GLIS3: variants seen among roughly 807,000 people sequenced by gnomAD.
GLIS3 encodes the protein GLIS family zinc finger 3.
Under a neutral mutation model 78.6 loss-of-function variants are expected in GLIS3, and 53 were observed. The ratio of observed to expected loss-of-function variants is 0.67; its 90% confidence interval spans 0.54 to 0.85. GLIS3 has a LOEUF of 0.85. GLIS3 is among the 40% of genes least tolerant of loss of function. The pLI is 0.00. For synonymous variants in GLIS3, 684 were observed against 509.9 expected (o/e 1.34, Z -4.60); for missense variants, 1,703 against 1,231.1 (o/e 1.38, Z -5.74).
the GLIS3 span, among the ~76,000 whole-genome samples, chr9:4,409,474 C>G: frequency 6.6e-6 from 1 of 152,138 alleles, no homozygotes; most frequent in Non-Finnish European, 1.5e-5. Context: ...ATACTTATGG[C>G]TCAATTTGCC....
chr9:3,914,439 T>A (rs1824365962), intron 6 of GLIS3, among the ~76,000 whole-genome samples: 1 of 152,038 alleles, frequency 6.6e-6, no homozygotes, highest in South Asian at 2.1e-4. Context: ...ATTGCTGGGA[T>A]TATAGGCATG....
chr9:4,260,423 T>C (rs899313782), intron 2 of GLIS3, among the ~76,000 whole-genome samples: 17 of 151,876 alleles, frequency 1.1e-4, no homozygotes, highest in African/African-American at 4.1e-4. Context: ...AAGAATTAGC[T>C]TGGCGTGGTG....
At chr9:4,475,356 T>C in the GLIS3 span, among the ~76,000 whole-genome samples, 2 of 152,336 alleles carry the variant, frequency 1.3e-5, no homozygotes, top group Admixed American at 6.5e-5. Flanking sequence ...GAAAAGGTGC[T>C]CAATCAGGGT....
At chr9:4,360,667 T>C in the GLIS3 span, among the ~76,000 whole-genome samples, 1 of 152,170 alleles carries the variant, frequency 6.6e-6, no homozygotes, top group African/African-American at 2.4e-5. Flanking sequence ...ATTAATAAGT[T>C]TCAGGGTTAA....
At chr9:3,995,802 A>T (rs1471785322) in intron 4 of GLIS3, among the ~76,000 whole-genome samples, 1 of 152,148 alleles carries the variant, frequency 6.6e-6, no homozygotes. Flanking sequence ...GACAGTTTAA[A>T]AGGCACAGAA....
chr9:4,302,275 G>A (rs1252329845), upstream of GLIS3, among the ~76,000 whole-genome samples: 1 of 152,152 alleles, frequency 6.6e-6, no homozygotes, highest in Non-Finnish European at 1.5e-5. Flanking sequence ...CAGATAGGTG[G>A]GAACTGCAGC....
At chr9:4,087,072 A>C (rs773647637) in intron 4 of GLIS3, among the ~76,000 whole-genome samples, 39 of 152,242 alleles carry the variant, frequency 2.6e-4, no homozygotes, top group Non-Finnish European at 1.5e-5. Flanking sequence ...AAAACATGGC[A>C]AAGTCTGAAA....
At chr9:4,308,595 G>A (rs1352077398) in intron 4 of GLIS3, among the ~76,000 whole-genome samples, 1 of 152,092 alleles carries the variant, frequency 6.6e-6, no homozygotes, top group Non-Finnish European at 1.5e-5. Flanking sequence ...GGCTCTCAGT[G>A]CTGGGTTCTC....
At chr9:4,338,399 C>G (rs536170622) in intron 2 of GLIS3, among the ~76,000 whole-genome samples, 1 of 151,582 alleles carries the variant, frequency 6.6e-6, no homozygotes, top group East Asian at 2.0e-4. Context: ...TACACACACA[C>G]ACACACACAC....
rs571631501 is a variant in GLIS3, at chr9:4,031,557, A to G, written c.1710+86211T>C. Among the ~76,000 whole-genome samples, 314 of 152,372 alleles carry G rather than the reference A, an allele frequency of 2.1e-3. 2 individuals are homozygous for G. The highest frequency in any genetic ancestry group is 3.2e-3 in the Non-Finnish European group (216 of 68,024). On this transcript the variant is annotated intron_variant, in intron 4 of 10. Coordinates refer to ENST00000381971, the MANE Select transcript of GLIS3 (RefSeq NM_001042413.2). ...CGATGATAATGTTTCAAAACTTGAT[A>G]TAAGTGATGGTTGCACAACATTGCA...
chr9:4,431,467 T>TGTA, the GLIS3 span, among the ~76,000 whole-genome samples: 1 of 152,188 alleles, frequency 6.6e-6, no homozygotes, highest in Admixed American at 6.5e-5. Flanking sequence ...TTTTGCTCCA[T>TGTA]GTAGTCAATC....
At position 3,879,595 on chromosome 9, in the gene GLIS3, G is replaced by A. The variant is rs1821592670; in HGVS notation, c.2129C>T (p.Ala710Val). Reference protein sequence around the residue: ...SPGPGPDLYSAPIFSSNYSSR... With the variant: ...SPGPGPDLYSVPIFSSNYSSR... ...TGAATAATTGCTGGAGAAAATGGGA[G>A]CTGAAATCAAGGGAGAACAAACATG... is the stretch of plus-strand genomic sequence containing the variant. Residue 710 changes from alanine (A) to valine (V), a missense_variant and splice_region_variant, in exon 8 of 11, where the codon GCT becomes GTT. Physicochemically the swap from Ala to Val is moderately conservative, Grantham distance 64. Coordinates refer to ENST00000381971, the MANE Select transcript of GLIS3 (RefSeq NM_001042413.2). 1 of 1,613,932 alleles carries A rather than the reference G, an allele frequency of 6.2e-7. No homozygotes were observed.
intron 1 of GLIS3, among the ~76,000 whole-genome samples, chr9:4,297,644 A>T (rs1816666347): frequency 6.6e-6 from 1 of 151,758 alleles, no homozygotes; most frequent in Admixed American, 6.6e-5. Flanking sequence ...GTCTCTACGG[A>T]CCCTACTCCC....
At chr9:3,884,425 C>T (rs148279784) in intron 7 of GLIS3, among the ~76,000 whole-genome samples, 2 of 152,286 alleles carry the variant, frequency 1.3e-5, no homozygotes, top group East Asian at 3.9e-4. Context: ...AGCCAATATG[C>T]ATTCTTGTTT....
intron 8 of GLIS3, chr9:3,875,655 A>G (rs988779004): frequency 2.0e-5 from 3 of 152,204 alleles, no homozygotes; most frequent in African/African-American, 4.8e-5. Flanking sequence ...TATGCTGGAC[A>G]CTAACGCAAA....
chr9:4,337,136 T>C (rs1817767048), intron 2 of GLIS3, among the ~76,000 whole-genome samples: 1 of 152,242 alleles, frequency 6.6e-6, no homozygotes, highest in Non-Finnish European at 1.5e-5. Flanking sequence ...GGTACAACTT[T>C]TCCCGAAAGT....
At chr9:4,244,543 T>G (rs1298149445) in intron 2 of GLIS3, among the ~76,000 whole-genome samples, 3 of 152,162 alleles carry the variant, frequency 2.0e-5, no homozygotes, top group South Asian at 2.1e-4. Context: ...GAATCAGATG[T>G]GAGGTAGATA....
At chr9:4,086,128 G>T (rs1334166874) in intron 4 of GLIS3, among the ~76,000 whole-genome samples, 1 of 152,136 alleles carries the variant, frequency 6.6e-6, no homozygotes, top group African/African-American at 2.4e-5. Flanking sequence ...TCAACCACCA[G>T]ATGTAACTAC....
chr9:3,991,994 G>A (rs184534335), intron 4 of GLIS3, among the ~76,000 whole-genome samples: 3 of 152,080 alleles, frequency 2.0e-5, no homozygotes, highest in African/African-American at 7.2e-5. Context: ...CCGGCCAGTA[G>A]GCTGAATTTT....
Sources: allele counts gnomAD v4.1 joint callset (sites outside exome capture counted in the v4.1 genomes callset), GRCh38; gene constraint gnomAD v4.1.1; transcripts MANE v1.5; gene names NCBI Gene and HGNC (gene_info 2026-07-23, HGNC 2026-07-21).